Variants in GPC3 observed in about 807,000 individuals in gnomAD.
GPC3 encodes glypican-3.
GPC3 carries 3 observed loss-of-function variants against 34.4 expected under a neutral mutation model. The observed-to-expected ratio is 0.09, with a 90% CI of 0.04 to 0.23. The LOEUF is 0.23. GPC3 is among the 10% of genes least tolerant of loss of function. GPC3 has a pLI of 1.00. For synonymous variants in GPC3, 177 were observed against 174.0 expected (o/e 1.02, Z -0.13); for missense variants, 351 against 445.6 (o/e 0.79, Z 1.91).
intron 2 of GPC3, among the ~76,000 whole-genome samples, chrX:133,766,019 T>A (rs1170064892): frequency 8.9e-6 from 1 of 111,870 alleles, no homozygotes; most frequent in African/African-American, 3.2e-5. Context: ...CACTGCCTAC[T>A]CTCTTGTTAA....
rs1250682757 is a variant in GPC3 at position 133,660,200 on chromosome X, C to T, written c.1413+1530G>A. ...AAAAATATACTACTCTTAGAAAGCC[C>T]TTCTAAGTATTTTCTAGGACCCACA... On this transcript the variant is annotated intron_variant, in intron 6 of 7. Transcript: ENST00000370818. Among the ~76,000 whole-genome samples, 4 of 112,137 alleles carry T rather than the reference C, an allele frequency of 3.6e-5. No individual in the cohort carries two copies. In the East Asian group the frequency reaches 1.1e-3, roughly 31 times the overall value.
At chrX:133,650,633 C>A (rs1042957659) in intron 6 of GPC3, among the ~76,000 whole-genome samples, 2 of 111,303 alleles carry the variant, frequency 1.8e-5, no homozygotes, top group Admixed American at 1.9e-4. Context: ...ATTTTTAAAT[C>A]ATTTAAACAA....
At chrX:133,642,546 C>T (rs756111124) in intron 6 of GPC3, among the ~76,000 whole-genome samples, 78 of 109,845 alleles carry the variant, frequency 7.1e-4, no homozygotes, top group African/African-American at 2.4e-3. Context: ...CTGAGGTGGG[C>T]GGATCACCTG....
chrX:133,881,814 T>A (rs900003823), intron 2 of GPC3, among the ~76,000 whole-genome samples: 3 of 112,360 alleles, frequency 2.7e-5, no homozygotes, highest in African/African-American at 9.7e-5. Flanking sequence ...TGCACAAACT[T>A]CACATGCCAC....
chrX:133,919,150 C>G (rs899700023), intron 2 of GPC3, among the ~76,000 whole-genome samples: 3 of 110,892 alleles, frequency 2.7e-5, no homozygotes. Context: ...TGCACCACTG[C>G]AGATTTCAGC....
chrX:133,821,948 A>G (rs1376786500), intron 2 of GPC3, among the ~76,000 whole-genome samples: 1 of 111,956 alleles, frequency 8.9e-6, no homozygotes, highest in Non-Finnish European at 1.9e-5. Context: ...ATAACGGTAT[A>G]CTGCAGAGTC....
At chrX:133,781,888 G>A (rs2072049424) in intron 2 of GPC3, among the ~76,000 whole-genome samples, 3 of 111,931 alleles carry the variant, frequency 2.7e-5, no homozygotes, top group Admixed American at 9.5e-5. Flanking sequence ...ACTGTCTGGT[G>A]TGAAATCCAA....
chrX:133,600,099 G>T (rs1040796919), intron 6 of GPC3, among the ~76,000 whole-genome samples: 1 of 111,659 alleles, frequency 9.0e-6, no homozygotes, highest in Non-Finnish European at 1.9e-5. Flanking sequence ...CCTGTGAGCT[G>T]CCCAGGGGTT....
At chrX:133,680,913 C>T (rs2070935651) in intron 5 of GPC3, among the ~76,000 whole-genome samples, 2 of 111,733 alleles carry the variant, frequency 1.8e-5, no homozygotes, top group Admixed American at 1.9e-4. Flanking sequence ...CCCCAGTGGA[C>T]TCAAATGCCC....
intron 2 of GPC3, among the ~76,000 whole-genome samples, chrX:133,858,877 C>A (rs980870059): frequency 9.1e-6 from 1 of 110,371 alleles, no homozygotes; most frequent in Non-Finnish European, 1.9e-5. Flanking sequence ...GTCAGGAGAT[C>A]GAGACCATCC....
intron 2 of GPC3, among the ~76,000 whole-genome samples, chrX:133,854,303 G>T (rs778538603): frequency 7.1e-5 from 8 of 112,022 alleles, no homozygotes; most frequent in African/African-American, 2.3e-4. Flanking sequence ...TGACTCCAGG[G>T]ATTCTTTTTT....
intron 2 of GPC3, among the ~76,000 whole-genome samples, chrX:133,893,205 C>A (rs1310211891): frequency 9.0e-6 from 1 of 111,146 alleles, no homozygotes; most frequent in African/African-American, 3.3e-5. Flanking sequence ...TGCAGTGAGC[C>A]GAGGTCGCAC....
intron 6 of GPC3, among the ~76,000 whole-genome samples, chrX:133,602,676 G>A (rs2069997138): frequency 1.8e-5 from 2 of 111,527 alleles, no homozygotes; most frequent in Non-Finnish European, 3.8e-5. Flanking sequence ...AAAGCTAGAA[G>A]AGAGGATCTG....
intron 2 of GPC3, among the ~76,000 whole-genome samples, chrX:133,863,950 C>T (rs184801289): frequency 1.3e-3 from 144 of 111,294 alleles, no homozygotes; most frequent in African/African-American, 4.5e-3. Flanking sequence ...CCACCGCGCC[C>T]GGCCAAAAAT....
intron 2 of GPC3, among the ~76,000 whole-genome samples, chrX:133,871,704 T>C (rs1487207745): frequency 8.9e-6 from 1 of 111,901 alleles, no homozygotes; most frequent in African/African-American, 3.2e-5. Flanking sequence ...TGATATATAG[T>C]GGAAGTTCAT....
intron 3 of GPC3, among the ~76,000 whole-genome samples, chrX:133,741,088 G>C (rs758681856): frequency 9.1e-6 from 1 of 109,647 alleles, no homozygotes; most frequent in Non-Finnish European, 1.9e-5. Flanking sequence ...CTCTCTCTCT[G>C]TCTCTCTCTA....
intron 7 of GPC3, among the ~76,000 whole-genome samples, chrX:133,572,097 A>G (rs1353311754): frequency 8.9e-6 from 1 of 111,899 alleles, no homozygotes; most frequent in Non-Finnish European, 1.9e-5. Context: ...CTAAGCCATA[A>G]AACAAGCCTC....
intron 3 of GPC3, among the ~76,000 whole-genome samples, chrX:133,731,469 A>G (rs183109944): frequency 8.9e-5 from 10 of 111,924 alleles, no homozygotes; most frequent in African/African-American, 2.6e-4. Context: ...TGCTACAAAA[A>G]TACCCATTTA....
At chrX:133,769,496 T>C (rs984730914) in intron 2 of GPC3, among the ~76,000 whole-genome samples, 8 of 112,194 alleles carry the variant, frequency 7.1e-5, no homozygotes, top group African/African-American at 2.6e-4. Flanking sequence ...TATATACTTA[T>C]CTCCAAATTC....
Sources: gnomAD v4.1 joint callset for allele counts (sites outside exome capture counted in the v4.1 genomes callset) on GRCh38, gnomAD v4.1.1 for gene constraint, MANE v1.5 for transcripts, NCBI Gene and HGNC (gene_info 2026-07-23, HGNC 2026-07-21) for gene names.